Variants in E2F5 observed in about 807,000 individuals in gnomAD.
The protein encoded by E2F5 is E2F transcription factor 5, also known as transcription factor E2F5.
In E2F5, 23 loss-of-function variants were observed where a neutral mutation model predicts 39.1. The ratio of observed to expected loss-of-function variants is 0.59; its 90% CI spans 0.42 to 0.83. The LOEUF (loss-of-function observed/expected upper bound fraction) is 0.83. Ranked by LOEUF, E2F5 falls within the 40% of genes least tolerant of loss-of-function variation. The probability of loss-of-function intolerance (pLI) is 0.00; values close to 1 mark genes in which losing one functional copy is unlikely to be tolerated. For synonymous variants in E2F5, 145 were observed against 157.8 expected (o/e 0.92, Z 0.61); for missense variants, 365 against 406.7 (o/e 0.90, Z 0.88).
intron 1 of E2F5, among the ~76,000 whole-genome samples, chr8:85,194,044 T>G (rs1021597679): frequency 6.6e-6 from 1 of 152,202 alleles, no homozygotes; most frequent in Admixed American, 6.5e-5. Context: ...GTAACTTTTT[T>G]TGTTTTTGTG....
intron 5 of E2F5, 73 bp from the exon 6 acceptor site, chr8:85,209,059 GCTTTGCCTGT>G: frequency 7.2e-7 from 1 of 1,393,654 alleles, no homozygotes; most frequent in Non-Finnish European, 9.9e-7. Context: ...GTCCCTAATA[GCTTTGCCTGT>G]CTTATTGTAC....
Position 85,177,590 on chromosome 8 carries a change from T to C in E2F5, c.170T>C (p.Leu57Pro). Residue 57 changes from leucine (L) to proline (P), a missense_variant, in exon 1 of 8, where the codon CTG (leucine) becomes CCG (proline). Coordinates refer to ENST00000416274, the MANE Select transcript of E2F5 (RefSeq NM_001951.4). ...AGCAGGCACGAGAAGAGCCTGGGGCTGCTCACTACCAAGTTCGTGTCGCTG... is the reference window on the plus strand; with the variant it reads ...AGCAGGCACGAGAAGAGCCTGGGGCCGCTCACTACCAAGTTCGTGTCGCTG... ...GSSRHEKSLG[L>P]LTTKFVSLLQ... The C allele has an allele frequency of 7.7e-7, 1 of 1,294,354 alleles. No homozygotes were observed. The allele number at this position is 1,294,354 out of a possible 1,614,324, so 80.2% of individuals were successfully genotyped here.
chr8:85,181,047 T>A (rs1812202646), intron 1 of E2F5, among the ~76,000 whole-genome samples: 1 of 151,882 alleles, frequency 6.6e-6, no homozygotes, highest in Admixed American at 6.6e-5. Flanking sequence ...CTGGCTTATT[T>A]TTATATTTTT....
At chr8:85,203,548 A>G (rs2129726475) in intron 3 of E2F5, among the ~76,000 whole-genome samples, 1 of 152,166 alleles carries the variant, frequency 6.6e-6, no homozygotes, top group East Asian at 1.9e-4. Context: ...CAGTGTGCTT[A>G]GGAAATCTGT....
intron 1 of E2F5, among the ~76,000 whole-genome samples, chr8:85,188,835 G>C (rs1490734919): frequency 6.6e-6 from 1 of 152,124 alleles, no homozygotes; most frequent in East Asian, 1.9e-4. Flanking sequence ...CTCTCTCCTT[G>C]CTGTGCTTCC....
At chr8:85,179,023 CTCT>C (rs1359843374) in intron 1 of E2F5, among the ~76,000 whole-genome samples, 8 of 152,092 alleles carry the variant, frequency 5.3e-5, no homozygotes. Context: ...ATTCCTTGTT[CTCT>C]TTTTTCCACC....
At chr8:85,183,065 C>T (rs1812253812) in intron 1 of E2F5, among the ~76,000 whole-genome samples, 1 of 152,140 alleles carries the variant, frequency 6.6e-6, no homozygotes. Flanking sequence ...TCCTGGCTAA[C>T]ACGGTGAAAC....
chr8:85,188,790 T>G (rs549661429), intron 1 of E2F5, among the ~76,000 whole-genome samples: 1 of 152,228 alleles, frequency 6.6e-6, no homozygotes, highest in South Asian at 2.1e-4. Flanking sequence ...GGTTTTACTT[T>G]GGCAATCCTA....
Position 85,206,163 on chromosome 8 carries a change from TC to T in E2F5, c.507-12del, listed in dbSNP as rs867552899. 7 of 1,612,412 alleles carry T rather than the reference TC, an allele frequency of 4.3e-6. No individual in the cohort carries two copies. The highest frequency in any genetic ancestry group is 5.9e-6 in the Non-Finnish European group (7 of 1,179,082). ...CTTGATATAAATGTCGTTCCTTAAC[TC>T]CTATGACAGTACATTTTCCTATGTA... On this transcript the variant is annotated splice_polypyrimidine_tract_variant and intron_variant, in intron 3 of 7. Transcript: ENST00000416274.
intron 1 of E2F5, among the ~76,000 whole-genome samples, chr8:85,198,362 T>C (rs985762475): frequency 2.6e-5 from 4 of 152,072 alleles, no homozygotes; most frequent in Non-Finnish European, 5.9e-5. Context: ...AAAAACTTCC[T>C]GGAGACCCCA....
At chr8:85,205,565 G>C (rs1812786784) in intron 3 of E2F5, among the ~76,000 whole-genome samples, 1 of 151,950 alleles carries the variant, frequency 6.6e-6, no homozygotes, top group Non-Finnish European at 1.5e-5. Context: ...TGGGTGGCGT[G>C]AGCCACCATG....
chr8:85,178,436 G>T (rs920714405), intron 1 of E2F5, among the ~76,000 whole-genome samples: 1 of 152,150 alleles, frequency 6.6e-6, no homozygotes, highest in Non-Finnish European at 1.5e-5. Flanking sequence ...TCAAACAGGA[G>T]CAGGCATCAA....
chr8:85,211,414 A>G (rs1391804680), intron 6 of E2F5, among the ~76,000 whole-genome samples: 1 of 151,842 alleles, frequency 6.6e-6, no homozygotes, highest in East Asian at 1.9e-4. Context: ...AAATAAATAA[A>G]TAAATAAAAA....
chr8:85,187,861 T>TTCTA (rs777777393), intron 1 of E2F5: 3 of 152,186 alleles, frequency 2.0e-5, no homozygotes, highest in African/African-American at 7.2e-5. Flanking sequence ...CTTCCTTTCT[T>TTCTA]TCTATCTTCT....
chr8:85,185,287 A>G (rs542325092), intron 1 of E2F5, among the ~76,000 whole-genome samples: 4 of 152,226 alleles, frequency 2.6e-5, no homozygotes, highest in African/African-American at 4.8e-5. Flanking sequence ...TTAATAAATG[A>G]TGTTGGAAAA....
At chr8:85,196,184 G>T (rs933282293) in intron 1 of E2F5, among the ~76,000 whole-genome samples, 6 of 152,112 alleles carry the variant, frequency 3.9e-5, no homozygotes, top group African/African-American at 1.4e-4. Flanking sequence ...CGTCTTTAAA[G>T]TAAGTTATTT....
At chr8:85,197,193 G>T (rs1812600994) in intron 1 of E2F5, among the ~76,000 whole-genome samples, 1 of 152,212 alleles carries the variant, frequency 6.6e-6, no homozygotes, top group Non-Finnish European at 1.5e-5. Flanking sequence ...GATTTTGGAA[G>T]ACAGCAAATA....
intron 7 of E2F5, 47 bp from the exon 8 acceptor site, chr8:85,213,706 C>T (rs374559088): frequency 7.2e-5 from 69 of 962,646 alleles, no homozygotes; most frequent in Non-Finnish European, 1.0e-4. Context: ...GATCATTAAC[C>T]GTATGTAGAA....
At chr8:85,180,026 AG>A (rs1468344016) in intron 1 of E2F5, among the ~76,000 whole-genome samples, 1 of 138,476 alleles carries the variant, frequency 7.2e-6, no homozygotes, top group Non-Finnish European at 1.6e-5. Context: ...AGATCGTTAA[AG>A]CCTTTTTTTT....
Sources: gnomAD v4.1 joint callset for allele counts (sites outside exome capture counted in the v4.1 genomes callset) on GRCh38, gnomAD v4.1.1 for gene constraint, MANE v1.5 for transcripts, NCBI Gene and HGNC (gene_info 2026-07-23, HGNC 2026-07-21) for gene names.